GPR85: variants seen among roughly 807,000 people sequenced by gnomAD.
GPR85 encodes the protein probable G protein-coupled receptor 85.
A neutral mutation model predicts 21.3 loss-of-function variants in GPR85; 7 were observed. That is an observed-to-expected ratio of 0.33 (90% confidence interval 0.19 to 0.62). The LOEUF (loss-of-function observed/expected upper bound fraction) is 0.62. Ranked by LOEUF, GPR85 falls within the 20% of genes least tolerant of loss-of-function variation. The pLI, the probability that GPR85 is intolerant of heterozygous loss-of-function variation, is 0.80. For missense variants in GPR85, 299 were observed against 443.8 expected (o/e 0.67, Z 2.93); for synonymous variants, 167 against 166.1 (o/e 1.01, Z -0.04).
rs754544641 is a variant in GPR85, at chr7:113,084,492, A to G, written c.230T>C (p.Val77Ala). The G allele has an allele frequency of 4.3e-6, 7 of 1,613,932 alleles. 1 individual carries two copies. The highest frequency in any genetic ancestry group is 1.1e-5 in the South Asian group (1 of 91,078). ...ILRSAICFPF[V>A]FNSVKNGSTW... is the part of the protein sequence containing the mutation. ...AGAACCATTTTTGACAGAGTTGAAC[A>G]CAAATGGGAAACAAATTGCAGATCT... is the stretch of plus-strand genomic sequence containing the variant. Residue 77 changes from valine to alanine, a missense_variant, in exon 3 of 3, where the codon GTG (valine) becomes GCG (alanine). Physicochemically the swap from Val to Ala is moderately conservative, Grantham distance 64 (BLOSUM62 0). Coordinates refer to ENST00000424100, the MANE Select transcript of GPR85 (RefSeq NM_001146267.2).
chr7:113,083,322 T>C lies in GPR85; in HGVS notation c.*287A>G. On this transcript the variant is annotated 3_prime_UTR_variant, in exon 3 of 3. Transcript: ENST00000424100. This position sits in a 1 kb window ranked among gnomAD's most constrained non-coding sequence, Gnocchi z 4.4. The stretch of plus-strand genomic sequence containing the variant: ...TGACATACAGAGCATTTAGCACTGA[T>C]ACTTAGCACCTGCTACTTTCATTAT... 2 of 363,868 alleles carry C rather than the reference T, an allele frequency of 5.5e-6. No individual in the cohort carries two copies. The highest frequency in any genetic ancestry group is 2.1e-5 in the African/African-American group (1 of 48,226). 22.5% of individuals were successfully genotyped at this position (363,868 alleles called of 1,614,324 possible).
In GPR85 at chr7:113,086,438, T is replaced by TTTTTTTTTTTTTTTTTC; in HGVS notation, c.-406_-405insGAAAAAAAAAAAAAAAA. 1 of 121,732 alleles carries TTTTTTTTTTTTTTTTTC rather than the reference T, an allele frequency of 8.2e-6. No individual in the cohort carries two copies. Among genetic ancestry groups the TTTTTTTTTTTTTTTTTC allele is most frequent in the Admixed American group, 8.3e-5 (1 of 12,090 alleles). 7.5% of individuals were successfully genotyped at this position (121,732 alleles called of 1,614,324 possible). A position where few individuals can be genotyped will look rare whatever the true frequency, so the allele number is the denominator to read the frequency against. On this transcript the variant is annotated 5_prime_UTR_variant, in exon 1 of 3. An upstream open reading frame in the 5' UTR loses its in-frame stop. Transcript: ENST00000424100. ...TTTTGTTTTTTGTTTTTTTTTTTTT[T>TTTTTTTTTTTTTTTTTC]TTTTTTGCCTTAGTGCCTTGACTGA...
chr7:113,084,332 T>C lies in GPR85; in HGVS notation c.390A>G (p.Thr130=), dbSNP rs1794214525. The C allele has an allele frequency of 6.2e-7, 1 of 1,614,094 alleles. No individual in the cohort carries two copies. Among genetic ancestry groups the C allele is most frequent in the Non-Finnish European group, 8.5e-7 (1 of 1,180,026 alleles). The change falls in exon 3 of 3, where the codon ACA becomes ACG. Residue 130 remains threonine, a synonymous_variant. Coordinates refer to ENST00000424100, the MANE Select transcript of GPR85 (RefSeq NM_001146267.2). The part of the protein sequence containing the change: ...YLAIAHHRFY[T]KRLTFWTCLA... ...GACACGTCCAAAAGGTCAGCCTCTT[T>C]GTATAGAAGCGGTGATGGGCGATAG...
intron 2 of GPR85, among the ~76,000 whole-genome samples, chr7:113,085,471 C>T (rs2115768658): frequency 6.6e-6 from 1 of 152,306 alleles, no homozygotes; most frequent in South Asian, 2.1e-4. Flanking sequence ...GTCTTTCCCT[C>T]TCCACCCTAC....
rs1306973181 is a variant in GPR85 at position 113,086,363 on chromosome 7, A to G, written c.-330T>C. On this transcript the variant is annotated 5_prime_UTR_variant, in exon 1 of 3. Transcript: ENST00000424100. The stretch of plus-strand genomic sequence containing the variant: ...TCCCGACAGACTATAGCTTCTTTCT[A>G]TAAATTGCTGATTTTTTTCTTTTTT... The G allele has an allele frequency of 8.3e-6, 1 of 121,032 alleles. No individual in the cohort carries two copies. The highest frequency in any genetic ancestry group is 2.4e-4 in the East Asian group (1 of 4,098). 7.5% of individuals were successfully genotyped at this position (121,032 alleles called of 1,614,324 possible). A position where few individuals can be genotyped will look rare whatever the true frequency, so the allele number is the denominator to read the frequency against.
chr7:113,084,543 A>G lies in GPR85; in HGVS notation c.179T>C (p.Leu60Ser). 6.2e-7 allele frequency: 1 copy of G among 1,613,032 alleles called. No homozygotes were observed. Among genetic ancestry groups the G allele is most frequent in the Non-Finnish European group, 8.5e-7 (1 of 1,178,960 alleles). The change falls in exon 3 of 3, where the codon TTG (leucine) becomes TCG (serine). Residue 60 changes from leucine (L) to serine (S), a missense_variant. Leu to Ser is a moderately radical substitution (Grantham distance 145). Coordinates refer to ENST00000424100, the MANE Select transcript of GPR85 (RefSeq NM_001146267.2). Reference sequence around the variant, plus strand: ...GAGGATATCTGAACAGCAAAGATCCAACAGGAAGTAGTAAGGTGCTCTATG... The same window carrying G: ...GAGGATATCTGAACAGCAAAGATCCGACAGGAAGTAGTAAGGTGCTCTATG... ...TLHRAPYYFL[L>S]DLCCSDILRS...
chr7:113,087,364 T>G (rs1478809498), upstream of GPR85: 1 of 154,424 alleles, frequency 6.5e-6, no homozygotes, highest in African/African-American at 2.4e-5. Flanking sequence ...AGCAGTTATG[T>G]GTACGAGTTT....
chr7:113,083,768 C>G lies in GPR85; in HGVS notation c.954G>C (p.Gly318=). The G allele has an allele frequency of 6.2e-7, 1 of 1,614,224 alleles. No homozygotes were observed. Among genetic ancestry groups the G allele is most frequent in the Non-Finnish European group, 8.5e-7 (1 of 1,180,036 alleles). Residue 318 remains glycine (G), a synonymous_variant, in exon 3 of 3, where the codon GGG becomes GGC. Coordinates refer to ENST00000424100, the MANE Select transcript of GPR85 (RefSeq NM_001146267.2). This position sits in a 1 kb window ranked among gnomAD's most constrained non-coding sequence, Gnocchi z 4.4. ...TCCAGACAGCAGCTGTTAGAAATCC[C>G]CCTGGTACTACAGGCCCTCTTGCAA... ...RVFARGPVVP[G]GFLTAAVWMS...
Position 113,084,002 on chromosome 7 carries a change from A to C in GPR85, c.720T>G (p.Ala240=). 1 of 1,614,178 alleles carries C rather than the reference A, an allele frequency of 6.2e-7. No individual in the cohort carries two copies. Residue 240 remains alanine, a synonymous_variant, in exon 3 of 3, where the codon GCT becomes GCG. Transcript: ENST00000424100. ...TTCCAAATCCTGCTAGCCAATTGGC[A>C]GCTGCCTGGCCACTGGCTCCAGGAC... ...FHGPGASGQA[A]ANWLAGFGRG...
Position 113,084,396 on chromosome 7 carries a change from G to A in GPR85, c.326C>T (p.Ala109Val), listed in dbSNP as rs766627324. The A allele has an allele frequency of 1.9e-6, 3 of 1,613,670 alleles. No individual in the cohort carries two copies. Among genetic ancestry groups the A allele is most frequent in the Middle Eastern group, 3.3e-4 (2 of 6,062 alleles). The change falls in exon 3 of 3, where the codon GCT (alanine) becomes GTT (valine). Residue 109 changes from alanine (A) to valine (V), a missense_variant. Around this residue, in one of 2 missense-constraint regions of GPR85, gnomAD observed 198 missense variants for 335.4 expected, o/e 0.59. Transcript: ENST00000424100. The part of the protein sequence containing the change: ...FLGVLSCFHT[A>V]FMLFCISVTR... ...GACACTGATGCAGAAGAGCATGAAA[G>A]CAGTGTGGAAACAGGACAAAACCCC...
At position 113,084,509 on chromosome 7, in the gene GPR85, T is replaced by C; in HGVS notation, c.213A>G (p.Ala71=). The C allele has an allele frequency of 6.2e-7, 1 of 1,613,520 alleles. No individual in the cohort carries two copies. Among genetic ancestry groups the C allele is most frequent in the Non-Finnish European group, 8.5e-7 (1 of 1,179,482 alleles). Residue 71 remains alanine (A), a synonymous_variant, in exon 3 of 3, where the codon GCA becomes GCG. Transcript: ENST00000424100. ...DLCCSDILRS[A]ICFPFVFNSV... is the part of the protein sequence containing the mutation. ...AGTTGAACACAAATGGGAAACAAAT[T>C]GCAGATCTGAGGATATCTGAACAGC...
Position 113,084,262 on chromosome 7 carries a change from A to G in GPR85, c.460T>C (p.Phe154Leu). The stretch of plus-strand genomic sequence containing the variant: ...GTGCCCACGTCTAAAACCGGGGGAA[A>G]TGCCATGGCCACAGACAGAGTCCAC... ...MVWTLSVAMA[F>L]PPVLDVGTYS... The change falls in exon 3 of 3, where the codon TTT becomes CTT. Residue 154 changes from phenylalanine to leucine, a missense_variant. Coordinates refer to ENST00000424100, the MANE Select transcript of GPR85 (RefSeq NM_001146267.2). 1 of 1,614,122 alleles carries G rather than the reference A, an allele frequency of 6.2e-7. No individual in the cohort carries two copies. Among genetic ancestry groups the G allele is most frequent in the East Asian group, 2.2e-5 (1 of 44,868 alleles).
upstream of GPR85, among the ~76,000 whole-genome samples, chr7:113,086,901 T>G (rs1414882066): frequency 6.6e-6 from 1 of 152,010 alleles, no homozygotes; most frequent in Non-Finnish European, 1.5e-5. Context: ...TTCTTCCCTT[T>G]TCTTTTAGGG....
At chr7:113,085,762 T>C (rs1794255752) in intron 2 of GPR85, among the ~76,000 whole-genome samples, 1 of 152,220 alleles carries the variant, frequency 6.6e-6, no homozygotes, top group African/African-American at 2.4e-5. Flanking sequence ...CGGCTTCCTC[T>C]GTTATTCCCA....
Position 113,084,456 on chromosome 7 carries a change from T to C in GPR85, c.266A>G (p.Tyr89Cys). Residue 89 changes from tyrosine (Y) to cysteine (C), a missense_variant, in exon 3 of 3, where the codon TAT (tyrosine) becomes TGT (cysteine). Around this residue, in one of 2 missense-constraint regions of GPR85, gnomAD observed 101 missense variants for 108.4 expected, o/e 0.93. Coordinates refer to ENST00000424100, the MANE Select transcript of GPR85 (RefSeq NM_001146267.2). ...NSVKNGSTWT[Y>C]GTLTCKVIAF... ...AATCACTTTGCAAGTCAGAGTCCCATAAGTCCAGGTAGAACCATTTTTGAC... is the reference window on the plus strand; with the variant it reads ...AATCACTTTGCAAGTCAGAGTCCCACAAGTCCAGGTAGAACCATTTTTGAC... The C allele has an allele frequency of 6.2e-7, 1 of 1,614,068 alleles. No individual in the cohort carries two copies. The highest frequency in any genetic ancestry group is 1.3e-5 in the African/African-American group (1 of 75,024).
At position 113,084,225 on chromosome 7, in the gene GPR85, A is replaced by G. The variant is rs762668785; in HGVS notation, c.497T>C (p.Ile166Thr). 3 of 1,614,154 alleles carry G rather than the reference A, an allele frequency of 1.9e-6. No homozygotes were observed. The highest frequency in any genetic ancestry group is 2.5e-6 in the Non-Finnish European group (3 of 1,180,028). Residue 166 changes from isoleucine to threonine, a missense_variant, in exon 3 of 3, where the codon ATT becomes ACT. Physicochemically the swap from Ile to Thr is moderately conservative, Grantham distance 89. Around this residue, in one of 2 missense-constraint regions of GPR85, gnomAD observed 198 missense variants for 335.4 expected, o/e 0.59. Transcript: ENST00000424100. ...PVLDVGTYSF[I>T]REEDQCTFQH... is the part of the protein sequence containing the mutation. The stretch of plus-strand genomic sequence containing the variant: ...GAAGGTGCATTGATCTTCCTCCCTA[A>G]TGAATGAGTAAGTGCCCACGTCTAA...
In GPR85 at chr7:113,084,239, G is replaced by A. The variant is rs200159533; in HGVS notation, c.483C>T (p.Gly161=). Residue 161 remains glycine, a synonymous_variant, in exon 3 of 3, where the codon GGC becomes GGT. Coordinates refer to ENST00000424100, the MANE Select transcript of GPR85 (RefSeq NM_001146267.2). ...AMAFPPVLDV[G]TYSFIREEDQ... The stretch of plus-strand genomic sequence containing the variant: ...CTTCCTCCCTAATGAATGAGTAAGT[G>A]CCCACGTCTAAAACCGGGGGAAATG... The A allele has an allele frequency of 5.6e-5, 91 of 1,614,108 alleles. No homozygotes were observed. In the East Asian group the frequency reaches 7.4e-4, roughly 13 times the overall value.
chr7:113,083,624 A>G lies in GPR85; in HGVS notation c.1098T>C (p.Pro366=). The G allele has an allele frequency of 1.2e-6, 2 of 1,613,638 alleles. No individual in the cohort carries two copies. The highest frequency in any genetic ancestry group is 1.7e-6 in the Non-Finnish European group (2 of 1,179,746). ...YCRKSRLPRE[P]YCVI ...AGATGCTCCCTCATATAACACAGTA[A>G]GGTTCCCTTGGTAACCTGGATTTTC... Residue 366 remains proline (P), a synonymous_variant, in exon 3 of 3, where the codon CCT becomes CCC. Coordinates refer to ENST00000424100, the MANE Select transcript of GPR85 (RefSeq NM_001146267.2). This position sits in a 1 kb window ranked among gnomAD's most constrained non-coding sequence, Gnocchi z 4.4.
Position 113,084,600 on chromosome 7 carries a change from A to G in GPR85, c.122T>C (p.Ile41Thr). The part of the protein sequence containing the change: ...IGVSVVGNLL[I>T]SILLVKDKTL... ...CTTATCTTTCACTAGCAAAATGGAGATCAGGAGGTTGCCCACCACGCTGAC... is the reference window on the plus strand; with the variant it reads ...CTTATCTTTCACTAGCAAAATGGAGGTCAGGAGGTTGCCCACCACGCTGAC... The change falls in exon 3 of 3, where the codon ATC becomes ACC. Residue 41 changes from isoleucine (I) to threonine (T), a missense_variant. Coordinates refer to ENST00000424100, the MANE Select transcript of GPR85 (RefSeq NM_001146267.2). The G allele has an allele frequency of 6.2e-7, 1 of 1,613,846 alleles. No homozygotes were observed. The highest frequency in any genetic ancestry group is 8.5e-7 in the Non-Finnish European group (1 of 1,179,754).
Sources: gnomAD v4.1 joint callset for allele counts (sites outside exome capture counted in the v4.1 genomes callset) on GRCh38, gnomAD v4.1.1 for gene constraint, gnomAD v4.1.1 regional missense constraint, Gnocchi (gnomAD v3.1) non-coding constraint, MANE v1.5 for transcripts, NCBI Gene and HGNC (gene_info 2026-07-23, HGNC 2026-07-21) for gene names.